DOCK3: variants seen among roughly 807,000 people sequenced by gnomAD.
DOCK3 encodes the protein dedicator of cytokinesis protein 3.
A neutral mutation model predicts 265.6 loss-of-function variants in DOCK3; 60 were observed. The observed-to-expected ratio is 0.23, with a 90% CI of 0.18 to 0.28. The LOEUF (loss-of-function observed/expected upper bound fraction) is 0.28, where lower values mean the gene tolerates loss of function less well. Among genes scored for constraint, DOCK3 ranks in the 10% least tolerant of loss-of-function variants. The pLI, the probability that DOCK3 is intolerant of heterozygous loss-of-function variation, is 1.00. For synonymous variants in DOCK3, 881 were observed against 938.0 expected (o/e 0.94, Z 1.11); for missense variants, 1,981 against 2,594.3 (o/e 0.76, Z 5.14).
At chr3:50,978,862 A>T (rs2077580647) in intron 5 of DOCK3, among the ~76,000 whole-genome samples, 2 of 152,158 alleles carry the variant, frequency 1.3e-5, no homozygotes, top group African/African-American at 4.8e-5. Context: ...CCGTTTTTTA[A>T]GCCCGTCGGA....
chr3:50,739,597 C>G (rs1021403131), intron 1 of DOCK3, among the ~76,000 whole-genome samples: 1 of 152,028 alleles, frequency 6.6e-6, no homozygotes, highest in Non-Finnish European at 1.5e-5. Context: ...TCTGGTATAT[C>G]CCTGGTTCTT....
intron 2 of DOCK3, among the ~76,000 whole-genome samples, chr3:50,834,506 A>G (rs959998712): frequency 6.6e-6 from 1 of 152,178 alleles, no homozygotes; most frequent in African/African-American, 2.4e-5. Context: ...AAGAAAGCCA[A>G]ACACCATTTC....
chr3:50,862,743 G>A (rs1227432845), intron 3 of DOCK3, among the ~76,000 whole-genome samples: 1 of 152,184 alleles, frequency 6.6e-6, no homozygotes, highest in African/African-American at 2.4e-5. Context: ...ATCCAGAGCA[G>A]GCAACTCCAT....
chr3:50,764,271 T>C (rs891610073), intron 1 of DOCK3, among the ~76,000 whole-genome samples: 1 of 152,174 alleles, frequency 6.6e-6, no homozygotes, highest in African/African-American at 2.4e-5. Context: ...CTGTATACAA[T>C]TGGCCCTTCA....
At chr3:51,276,365 G>A (rs1183127282) in intron 25 of DOCK3, 4 of 985,226 alleles carry the variant, frequency 4.1e-6, no homozygotes, top group Non-Finnish European at 4.8e-6. Flanking sequence ...GTTGTATTGA[G>A]GGGGTGGACA....
chr3:51,266,895 A>G (rs1397111757), intron 23 of DOCK3, among the ~76,000 whole-genome samples: 2 of 152,238 alleles, frequency 1.3e-5, no homozygotes, highest in East Asian at 1.9e-4. Flanking sequence ...CAGGCAAGCT[A>G]TAGAATAGGA....
At chr3:51,360,904 A>C (rs1334931674) in intron 47 of DOCK3, among the ~76,000 whole-genome samples, 1 of 152,164 alleles carries the variant, frequency 6.6e-6, no homozygotes, top group Admixed American at 6.5e-5. Context: ...AGGGGTTAGG[A>C]GGGTGATAGG....
chr3:50,829,854 A>G (rs576247799), intron 2 of DOCK3, among the ~76,000 whole-genome samples: 28 of 152,280 alleles, frequency 1.8e-4, no homozygotes, highest in African/African-American at 6.5e-4. Context: ...TTTTAATGAA[A>G]TAATGACTCA....
At chr3:51,312,379 G>A in intron 29 of DOCK3, 97 bp from the exon 30 acceptor site, 1 of 1,102,228 alleles carries the variant, frequency 9.1e-7, no homozygotes, top group Admixed American at 2.5e-5. Context: ...TCTTAAGATT[G>A]TAAAATGGGT....
At chr3:51,357,224 TCTC>T (rs2086424904) in intron 44 of DOCK3, 83 bp downstream of exon 44, 2 of 1,474,408 alleles carry the variant, frequency 1.4e-6, no homozygotes, top group Non-Finnish European at 1.8e-6. Context: ...AAGATTATAG[TCTC>T]CTTAGGTAGC....
intron 9 of DOCK3, among the ~76,000 whole-genome samples, chr3:51,125,087 A>G (rs1299893387): frequency 6.6e-6 from 1 of 152,060 alleles, no homozygotes; most frequent in Non-Finnish European, 1.5e-5. Flanking sequence ...ACGCCACTGC[A>G]CTCCAGCCTG....
chr3:51,086,777 G>A (rs1020290026), intron 7 of DOCK3, among the ~76,000 whole-genome samples: 1 of 152,118 alleles, frequency 6.6e-6, no homozygotes, highest in African/African-American at 2.4e-5. Flanking sequence ...CAGCCTGGGC[G>A]ACAGAGTGAG....
intron 27 of DOCK3, among the ~76,000 whole-genome samples, chr3:51,289,110 C>T (rs1241609854): frequency 6.6e-6 from 1 of 152,030 alleles, no homozygotes; most frequent in Non-Finnish European, 1.5e-5. Flanking sequence ...TCTACACAGC[C>T]ATAAAAAAGA....
At chr3:50,719,894 TTGTC>T (rs2037365973) in intron 1 of DOCK3, 6 of 630,166 alleles carry the variant, frequency 9.5e-6, no homozygotes, top group Non-Finnish European at 1.8e-5. Flanking sequence ...TTTTGAAACT[TTGTC>T]TGCTAACAGC....
At chr3:51,203,018 C>G (rs1216877298) in intron 12 of DOCK3, among the ~76,000 whole-genome samples, 1 of 152,132 alleles carries the variant, frequency 6.6e-6, no homozygotes, top group Non-Finnish European at 1.5e-5. Context: ...GGACCTATCT[C>G]AAAATAATAA....
At chr3:51,253,649 C>A (rs2079385096) in intron 22 of DOCK3, among the ~76,000 whole-genome samples, 1 of 152,090 alleles carries the variant, frequency 6.6e-6, no homozygotes, top group Admixed American at 6.6e-5. Context: ...AGTTTATTTG[C>A]GTAGAGGTGC....
chr3:51,286,931 A>G (rs1254514830), intron 27 of DOCK3, among the ~76,000 whole-genome samples: 1 of 152,236 alleles, frequency 6.6e-6, no homozygotes, highest in Admixed American at 6.5e-5. Context: ...TTTCATGACA[A>G]AGACACCAAA....
chr3:51,323,119 A>T (rs2083854086), intron 32 of DOCK3, among the ~76,000 whole-genome samples: 1 of 152,214 alleles, frequency 6.6e-6, no homozygotes, highest in African/African-American at 2.4e-5. Context: ...ACTGCATTAC[A>T]TAATGGTAAG....
intron 40 of DOCK3, among the ~76,000 whole-genome samples, chr3:51,352,362 T>G (rs568934505): frequency 1.3e-5 from 2 of 152,336 alleles, no homozygotes; most frequent in South Asian, 4.1e-4. Flanking sequence ...CAAGCAGGAA[T>G]GCTCCATCGT....
Sources: allele counts gnomAD v4.1 joint callset (sites outside exome capture counted in the v4.1 genomes callset), GRCh38; gene constraint gnomAD v4.1.1; transcripts MANE v1.5; gene names NCBI Gene and HGNC (gene_info 2026-07-23, HGNC 2026-07-21).